Variants in CDH4 observed in about 807,000 individuals in gnomAD.
CDH4 encodes cadherin-4.
A neutral mutation model predicts 86.0 loss-of-function variants in CDH4; 33 were observed. The observed-to-expected ratio is 0.38, with a 90% CI of 0.29 to 0.51. CDH4 has a LOEUF of 0.51. Ranked by LOEUF, CDH4 falls within the 20% of genes least tolerant of loss-of-function variation. The pLI, the probability that CDH4 is intolerant of heterozygous loss-of-function variation, is 0.86. For missense variants in CDH4, 1,114 were observed against 1,307.4 expected, an observed-to-expected ratio of 0.85 and a Z score of 2.28; for synonymous variants, 555 against 549.4, an observed-to-expected ratio of 1.01 and a Z score of -0.14.
chr20:61,633,313 C>G (rs116937889), intron 2 of CDH4, among the ~76,000 whole-genome samples: 5,757 of 152,118 alleles, frequency 0.038, 173 homozygotes, highest in Middle Eastern at 0.068. Flanking sequence ...ACTCATGCAT[C>G]CAACTCTCCA....
At chr20:61,603,465 T>C (rs1391427918) in intron 2 of CDH4, among the ~76,000 whole-genome samples, 1 of 152,122 alleles carries the variant, frequency 6.6e-6, no homozygotes, top group Non-Finnish European at 1.5e-5. Flanking sequence ...GGCGGCTGTT[T>C]TGGGAGCCAG....
chr20:61,376,204 G>T (rs1312469721), intron 2 of CDH4, among the ~76,000 whole-genome samples: 1 of 152,070 alleles, frequency 6.6e-6, no homozygotes, highest in African/African-American at 2.4e-5. Context: ...GTGTGGTGGT[G>T]GTGCCAATGC....
chr20:61,440,745 A>T (rs2085310406), intron 2 of CDH4, among the ~76,000 whole-genome samples: 1 of 152,168 alleles, frequency 6.6e-6, no homozygotes, highest in Admixed American at 6.5e-5. Flanking sequence ...GGCGCCATGG[A>T]GGAAGCGCTA....
At chr20:61,639,123 G>A (rs191200515) in intron 2 of CDH4, among the ~76,000 whole-genome samples, 4 of 152,346 alleles carry the variant, frequency 2.6e-5, no homozygotes, top group African/African-American at 4.8e-5. Flanking sequence ...CGGGATAAAC[G>A]ACGTCCCACA....
At chr20:61,707,480 G>A (rs777072791) in intron 2 of CDH4, among the ~76,000 whole-genome samples, 7 of 152,220 alleles carry the variant, frequency 4.6e-5, no homozygotes, top group Admixed American at 6.5e-5. Flanking sequence ...GGGTGAACGC[G>A]GGATGTGGAC....
chr20:61,553,383 TCTA>T (rs752203415), intron 2 of CDH4, among the ~76,000 whole-genome samples: 1 of 152,352 alleles, frequency 6.6e-6, no homozygotes, highest in East Asian at 1.9e-4. Flanking sequence ...ACCTTGTGAC[TCTA>T]CTAACATACA....
intron 2 of CDH4, among the ~76,000 whole-genome samples, chr20:61,304,278 C>G (rs540589833): frequency 6.6e-6 from 1 of 152,086 alleles, no homozygotes; most frequent in East Asian, 1.9e-4. Context: ...CCCAACCCCC[C>G]GTTCTTTGGT....
intron 2 of CDH4, among the ~76,000 whole-genome samples, chr20:61,391,499 C>T (rs1222993211): frequency 6.6e-6 from 1 of 152,044 alleles, no homozygotes; most frequent in African/African-American, 2.4e-5. Context: ...ACATGCCCCA[C>T]CACTCTGCAC....
intron 2 of CDH4, among the ~76,000 whole-genome samples, chr20:61,559,909 C>T (rs2086204210): frequency 6.6e-6 from 1 of 152,196 alleles, no homozygotes; most frequent in African/African-American, 2.4e-5. Flanking sequence ...ACCAGCTGAC[C>T]TGGCCTTCCT....
At chr20:61,843,687 TAAAAAAAA>T (rs67518472) in intron 4 of CDH4, among the ~76,000 whole-genome samples, 45 of 140,696 alleles carry the variant, frequency 3.2e-4, no homozygotes, top group Non-Finnish European at 4.3e-4. Flanking sequence ...GACCTGTCTC[TAAAAAAAA>T]AAAAAAAAAA....
At chr20:61,710,471 C>T (rs1027297849) in intron 2 of CDH4, among the ~76,000 whole-genome samples, 1 of 152,252 alleles carries the variant, frequency 6.6e-6, no homozygotes, top group Non-Finnish European at 1.5e-5. Context: ...GAGCCCCCCT[C>T]CTGGGGAGCT....
In CDH4 at chr20:61,510,646, T is replaced by C. The variant is rs980744389; in HGVS notation, c.170-232917T>C. Among the ~76,000 whole-genome samples the C allele has an allele frequency of 5.9e-5, 9 of 152,122 alleles. No individual in the cohort carries two copies. Among genetic ancestry groups the C allele is most frequent in the African/African-American group, 1.2e-4 (5 of 41,424 alleles). ...ACCCATAGTGGGATTACTTGGGGGA[T>C]TGCGTTGCTGGGGAATTACTTGCTT... On this transcript the variant is annotated intron_variant, in intron 2 of 15. Coordinates refer to ENST00000614565, the MANE Select transcript of CDH4 (RefSeq NM_001794.5). The surrounding 1 kb of genome is among the most constrained non-coding windows in gnomAD (Gnocchi z 4.2).
intron 4 of CDH4, among the ~76,000 whole-genome samples, chr20:61,784,425 C>T (rs372336625): frequency 1.5e-4 from 2 of 13,206 alleles, no homozygotes; most frequent in African/African-American, 3.7e-4. Context: ...CTCAGATGTC[C>T]TGTGCCCCCA....
intron 2 of CDH4, among the ~76,000 whole-genome samples, chr20:61,526,516 A>G (rs907244116): frequency 6.6e-6 from 1 of 150,650 alleles, no homozygotes; most frequent in African/African-American, 2.5e-5. Flanking sequence ...TTATTATTAT[A>G]CCTTAAGTTT....
intron 2 of CDH4, among the ~76,000 whole-genome samples, chr20:61,694,822 A>G (rs1568760664): frequency 6.6e-6 from 1 of 152,228 alleles, no homozygotes; most frequent in Non-Finnish European, 1.5e-5. Context: ...AGCCACCTTC[A>G]CAAGCCTGCT....
chr20:61,802,164 G>C (rs991243189), intron 4 of CDH4, among the ~76,000 whole-genome samples: 2 of 152,220 alleles, frequency 1.3e-5, no homozygotes, highest in African/African-American at 4.8e-5. Flanking sequence ...CTTGGAGCCA[G>C]GCCCAGGCAG....
chr20:61,545,328 T>C (rs956809508), intron 2 of CDH4, among the ~76,000 whole-genome samples: 3 of 152,234 alleles, frequency 2.0e-5, no homozygotes, highest in African/African-American at 7.2e-5. Context: ...CCATGCAACG[T>C]CAATTAACAT....
At chr20:61,722,886 G>A (rs866988739) in intron 2 of CDH4, among the ~76,000 whole-genome samples, 74 of 152,262 alleles carry the variant, frequency 4.9e-4, no homozygotes, top group African/African-American at 1.4e-3. Flanking sequence ...GAGAGAAGAC[G>A]TTCCTGGGAC....
intron 2 of CDH4, among the ~76,000 whole-genome samples, chr20:61,498,303 T>A (rs1385394821): frequency 6.6e-6 from 1 of 152,224 alleles, no homozygotes; most frequent in Non-Finnish European, 1.5e-5. Context: ...GCCGGTTGAT[T>A]TTCCAGTTAA....
Sources: allele counts gnomAD v4.1 joint callset (sites outside exome capture counted in the v4.1 genomes callset), GRCh38; gene constraint gnomAD v4.1.1; non-coding constraint Gnocchi (gnomAD v3.1); transcripts MANE v1.5; gene names NCBI Gene and HGNC (gene_info 2026-07-23, HGNC 2026-07-21).